Variants in KMT2C observed in about 807,000 individuals in gnomAD.
KMT2C encodes the protein histone-lysine N-methyltransferase 2C.
A neutral mutation model predicts 507.9 loss-of-function variants in KMT2C; 88 were observed. That is an observed-to-expected ratio of 0.17 (90% CI 0.15 to 0.21). KMT2C has a LOEUF of 0.21. Among genes scored for constraint, KMT2C ranks in the 10% least tolerant of loss-of-function variants. The pLI is 1.00. For missense variants in KMT2C, 4,954 were observed against 5,957.8 expected (o/e 0.83, Z 5.55); for synonymous variants, 2,049 against 2,080.8 (o/e 0.98, Z 0.42).
chr7:152,147,484 G>A (rs1349661027), intron 52 of KMT2C, among the ~76,000 whole-genome samples: 1 of 151,920 alleles, frequency 6.6e-6, no homozygotes, highest in East Asian at 1.9e-4. Flanking sequence ...AGGAGTTTGA[G>A]CCCAGCCTGG....
chr7:152,170,028 T>C (rs2092893058), intron 40 of KMT2C, among the ~76,000 whole-genome samples: 1 of 152,224 alleles, frequency 6.6e-6, no homozygotes, highest in African/African-American at 2.4e-5. Flanking sequence ...ATGAGCTGTA[T>C]ACAAGGTAAT....
intron 3 of KMT2C, among the ~76,000 whole-genome samples, chr7:152,321,133 C>T (rs528198690): frequency 2.0e-5 from 3 of 152,028 alleles, no homozygotes; most frequent in East Asian, 3.9e-4. Flanking sequence ...ACTCAGGAGG[C>T]TGAGGCAGGA....
At chr7:152,145,711 AAC>A (rs1176833207) in intron 53 of KMT2C, among the ~76,000 whole-genome samples, 1 of 152,220 alleles carries the variant, frequency 6.6e-6, no homozygotes, top group African/African-American at 2.4e-5. Context: ...TACAATTAAA[AAC>A]AGTTAAAAAA....
At chr7:152,333,238 C>A (rs1219778061) in intron 2 of KMT2C, among the ~76,000 whole-genome samples, 1 of 151,950 alleles carries the variant, frequency 6.6e-6, no homozygotes, top group East Asian at 1.9e-4. Context: ...GCTCAAGAAT[C>A]CTCCCACCTC....
chr7:152,159,842 T>C (rs2092337552), intron 43 of KMT2C, among the ~76,000 whole-genome samples: 2 of 152,330 alleles, frequency 1.3e-5, no homozygotes, highest in East Asian at 1.9e-4. Flanking sequence ...CTATAGACGA[T>C]TATAGTAGCT....
At chr7:152,192,365 AC>A (rs1173358816) in intron 31 of KMT2C, among the ~76,000 whole-genome samples, 1 of 152,052 alleles carries the variant, frequency 6.6e-6, no homozygotes, top group Non-Finnish European at 1.5e-5. Flanking sequence ...AGATGGTGAA[AC>A]CCCGTCTCTA....
At chr7:152,307,262 GAAGGAAGGAAGAAAGA>G (rs1296593153) in intron 6 of KMT2C, among the ~76,000 whole-genome samples, 26 of 120,466 alleles carry the variant, frequency 2.2e-4, no homozygotes, top group African/African-American at 9.2e-4. Context: ...CGGTAGGAAG[GAAGGAAGGAAGAAAGA>G]AAGGAAGGAA....
At chr7:152,293,072 T>C (rs1256704150) in intron 6 of KMT2C, among the ~76,000 whole-genome samples, 1 of 152,078 alleles carries the variant, frequency 6.6e-6, no homozygotes, top group African/African-American at 2.4e-5. Flanking sequence ...ATAGAAAGAC[T>C]TAGTATAAAG....
chr7:152,309,799 G>A, intron 6 of KMT2C, 167 bp downstream of exon 6: 1 of 512,870 alleles, frequency 1.9e-6, no homozygotes, highest in South Asian at 2.2e-5. Context: ...GGGATTACAG[G>A]TGTGAGCCAC....
At chr7:152,362,155 G>T (rs145211615) in intron 1 of KMT2C, among the ~76,000 whole-genome samples, 7 of 152,154 alleles carry the variant, frequency 4.6e-5, no homozygotes, top group African/African-American at 1.4e-4. Context: ...TTAAATAACA[G>T]ATTTATAAAA....
chr7:152,142,847 T>C (rs1173162765), intron 55 of KMT2C, among the ~76,000 whole-genome samples: 1 of 152,198 alleles, frequency 6.6e-6, no homozygotes, highest in African/African-American at 2.4e-5. Flanking sequence ...CATGATTCCA[T>C]TTTTATATAT....
chr7:152,227,142 T>C (rs2094958185), intron 18 of KMT2C, among the ~76,000 whole-genome samples: 1 of 152,192 alleles, frequency 6.6e-6, no homozygotes, highest in Admixed American at 6.5e-5. Flanking sequence ...GTCAAGACCT[T>C]CTTATTCTCA....
chr7:152,208,872 G>A (rs1333473317), intron 23 of KMT2C, among the ~76,000 whole-genome samples: 1 of 152,124 alleles, frequency 6.6e-6, no homozygotes, highest in African/African-American at 2.4e-5. Flanking sequence ...GCCATGAAAA[G>A]AAAAGTTTAT....
At chr7:152,372,371 G>T (rs751768672) in intron 1 of KMT2C, among the ~76,000 whole-genome samples, 6 of 152,020 alleles carry the variant, frequency 3.9e-5, no homozygotes, top group African/African-American at 7.3e-5. Flanking sequence ...GGTCAGGCTG[G>T]TCTCAAACTC....
At chr7:152,419,024 G>A (rs986691936) in intron 1 of KMT2C, among the ~76,000 whole-genome samples, 5 of 151,760 alleles carry the variant, frequency 3.3e-5, no homozygotes, top group African/African-American at 1.2e-4. Flanking sequence ...TGAGACGACT[G>A]TCCCTACATA....
At chr7:152,173,128 C>T (rs2129109940) in intron 39 of KMT2C, among the ~76,000 whole-genome samples, 1 of 152,154 alleles carries the variant, frequency 6.6e-6, no homozygotes, top group African/African-American at 2.4e-5. Context: ...CATTGGAAAC[C>T]ACTATCTCTA....
chr7:152,255,129 A>ATG (rs1563606481), intron 9 of KMT2C, among the ~76,000 whole-genome samples: 1 of 127,938 alleles, frequency 7.8e-6, no homozygotes, highest in Non-Finnish European at 1.7e-5. Flanking sequence ...ATATATATAT[A>ATG]TATATATATA....
intron 9 of KMT2C, among the ~76,000 whole-genome samples, chr7:152,261,972 C>T (rs2095788236): frequency 6.6e-6 from 1 of 151,974 alleles, no homozygotes. Flanking sequence ...AGCTCTTTTT[C>T]CCCCCAGGAG....
rs933221312 is a variant in KMT2C, at chr7:152,263,243, T to C, written c.1185-113A>G. The stretch of plus-strand genomic sequence containing the variant: ...ACTGCACAGTTCATAAATACCTCAG[T>C]ATCTGTTTTGTCTCTGCAGATAGTA... On this transcript the variant is annotated intron_variant, in intron 8 of 58. Transcript: ENST00000262189. The C allele has an allele frequency of 8.5e-6, 7 of 828,224 alleles. No homozygotes were observed. In the African/African-American group the frequency reaches 1.2e-4, roughly 14 times the overall value. The allele number at this position is 828,224 out of a possible 1,614,324, so 51.3% of individuals were successfully genotyped here.
Sources: allele counts gnomAD v4.1 joint callset (sites outside exome capture counted in the v4.1 genomes callset), GRCh38; gene constraint gnomAD v4.1.1; transcripts MANE v1.5; gene names NCBI Gene and HGNC (gene_info 2026-07-23, HGNC 2026-07-21).